Variants in LYPD6 observed in about 807,000 individuals in gnomAD.
LYPD6 encodes the protein ly6/PLAUR domain-containing protein 6.
Under a neutral mutation model 22.7 loss-of-function variants are expected in LYPD6, and 15 were observed. That is an observed-to-expected ratio of 0.66 (90% CI 0.44 to 1.02). LYPD6 has a LOEUF of 1.02. Ranked by LOEUF, LYPD6 falls within the 50% of genes least tolerant of loss-of-function variation. LYPD6 has a pLI of 0.00. For missense variants in LYPD6, 189 were observed against 208.4 expected, an observed-to-expected ratio of 0.91 and a Z score of 0.57; for synonymous variants, 72 against 77.5, an observed-to-expected ratio of 0.93 and a Z score of 0.37.
chr2:149,406,290 T>A (rs1682706142), intron 1 of LYPD6, among the ~76,000 whole-genome samples: 1 of 152,060 alleles, frequency 6.6e-6, no homozygotes, highest in South Asian at 2.1e-4. Flanking sequence ...GGGTATCTTG[T>A]TAACTTTCTG....
At chr2:149,425,502 C>G (rs1683170349) in intron 1 of LYPD6, among the ~76,000 whole-genome samples, 1 of 152,118 alleles carries the variant, frequency 6.6e-6, no homozygotes. Context: ...GGAGGCTACT[C>G]AGTACTTTTT....
At chr2:149,474,567 T>C (rs534020774), downstream of LYPD6, among the ~76,000 whole-genome samples, 23 of 152,168 alleles carry the variant, frequency 1.5e-4, no homozygotes, top group South Asian at 6.2e-4. Flanking sequence ...CACAAACTTA[T>C]ATGTTTTCTC....
At chr2:149,332,803 G>A (rs1484193686) in intron 1 of LYPD6, among the ~76,000 whole-genome samples, 2 of 152,198 alleles carry the variant, frequency 1.3e-5, no homozygotes, top group African/African-American at 4.8e-5. Context: ...ATATCATTTA[G>A]CTCCCACTAA....
chr2:149,392,541 C>T (rs906883161), intron 1 of LYPD6, among the ~76,000 whole-genome samples: 1 of 152,178 alleles, frequency 6.6e-6, no homozygotes, highest in African/African-American at 2.4e-5. Flanking sequence ...CCCTGAGGAC[C>T]AGGGAAGCTG....
intron 1 of LYPD6, among the ~76,000 whole-genome samples, chr2:149,364,031 T>G (rs1196706): frequency 0.57 from 86,110 of 151,952 alleles, 26,889 homozygotes; most frequent in East Asian, 0.9. Flanking sequence ...TCTCACTCCT[T>G]AGCTAGTATT....
chr2:149,330,927 G>T lies in LYPD6; in HGVS notation c.-72+205G>T, dbSNP rs1166501579. ...TAGTGGGCAGAGAGCCCCGCGAGTA[G>T]CCTGGACGGGTCCAGAGGGGCGTGT... On this transcript the variant is annotated intron_variant, in intron 1 of 4. Coordinates refer to ENST00000334166, the MANE Select transcript of LYPD6 (RefSeq NM_194317.5). Among the ~76,000 whole-genome samples, 4 of 152,316 alleles carry T rather than the reference G, an allele frequency of 2.6e-5. No individual in the cohort carries two copies. In the East Asian group the frequency reaches 7.8e-4, roughly 30 times the overall value.
chr2:149,452,608 A>G (rs1680859277), intron 3 of LYPD6, among the ~76,000 whole-genome samples: 1 of 152,134 alleles, frequency 6.6e-6, no homozygotes, highest in Non-Finnish European at 1.5e-5. Context: ...TGTGAAAATA[A>G]TTTGTTGAAA....
intron 1 of LYPD6, among the ~76,000 whole-genome samples, chr2:149,427,503 A>G (rs1253326159): frequency 6.6e-6 from 1 of 152,164 alleles, no homozygotes; most frequent in African/African-American, 2.4e-5. Flanking sequence ...GCACTTGAAA[A>G]TGCCTTCTTG....
intron 1 of LYPD6, among the ~76,000 whole-genome samples, chr2:149,371,549 G>A (rs1384174027): frequency 6.6e-6 from 1 of 152,224 alleles, no homozygotes; most frequent in Non-Finnish European, 1.5e-5. Context: ...AATGGAAGAA[G>A]CAAGCAGGTT....
chr2:149,407,403 C>T (rs969880318), intron 1 of LYPD6, among the ~76,000 whole-genome samples: 5 of 152,182 alleles, frequency 3.3e-5, no homozygotes, highest in African/African-American at 4.8e-5. Context: ...TTCACATAGT[C>T]GCATATTTCT....
chr2:149,380,823 T>G (rs145017193), intron 1 of LYPD6, among the ~76,000 whole-genome samples: 480 of 152,260 alleles, frequency 3.2e-3, no homozygotes, highest in South Asian at 4.6e-3. Flanking sequence ...AATGAAGGGT[T>G]TAAGGACTGA....
At chr2:149,404,914 A>C (rs1682660241) in intron 1 of LYPD6, among the ~76,000 whole-genome samples, 1 of 152,140 alleles carries the variant, frequency 6.6e-6, no homozygotes, top group Non-Finnish European at 1.5e-5. Flanking sequence ...TCCCATCAAT[A>C]CCTAATTGAT....
intron 3 of LYPD6, among the ~76,000 whole-genome samples, chr2:149,461,356 T>A (rs1681083751): frequency 6.6e-6 from 1 of 151,888 alleles, no homozygotes; most frequent in African/African-American, 2.4e-5. Flanking sequence ...AAAAATGAGA[T>A]AAATAGTCCT....
chr2:149,434,449 T>C (rs1683386935), intron 1 of LYPD6, among the ~76,000 whole-genome samples: 1 of 152,228 alleles, frequency 6.6e-6, no homozygotes, highest in Non-Finnish European at 1.5e-5. Flanking sequence ...AATTTTTAAC[T>C]ATCCCTTCAA....
intron 1 of LYPD6, among the ~76,000 whole-genome samples, chr2:149,397,429 C>T (rs912744620): frequency 2.0e-5 from 3 of 152,152 alleles, no homozygotes; most frequent in Non-Finnish European, 4.4e-5. Flanking sequence ...TGCTGGTCTT[C>T]ATAATGTCTT....
intron 1 of LYPD6, among the ~76,000 whole-genome samples, chr2:149,383,307 A>G (rs1191058566): frequency 6.6e-6 from 1 of 152,148 alleles, no homozygotes; most frequent in African/African-American, 2.4e-5. Flanking sequence ...ATTTTGTAAT[A>G]TTTTTGTTTC....
downstream of LYPD6, among the ~76,000 whole-genome samples, chr2:149,476,409 T>C (rs1276815393): frequency 2.6e-5 from 4 of 152,148 alleles, no homozygotes; most frequent in Admixed American, 6.5e-5. Context: ...TTAGACCTTA[T>C]CAGTTATTCA....
chr2:149,398,488 G>A (rs1682477187), intron 1 of LYPD6, among the ~76,000 whole-genome samples: 1 of 151,590 alleles, frequency 6.6e-6, no homozygotes, highest in East Asian at 1.9e-4. Flanking sequence ...TTTGTCTCCT[G>A]GCTGTCCTGA....
intron 3 of LYPD6, among the ~76,000 whole-genome samples, chr2:149,455,893 T>C (rs931403325): frequency 2.0e-5 from 3 of 152,192 alleles, no homozygotes; most frequent in African/African-American, 7.2e-5. Flanking sequence ...GAAATGTGGA[T>C]GAATATTTTT....
Sources: allele counts gnomAD v4.1 joint callset (sites outside exome capture counted in the v4.1 genomes callset), GRCh38; gene constraint gnomAD v4.1.1; transcripts MANE v1.5; gene names NCBI Gene and HGNC (gene_info 2026-07-23, HGNC 2026-07-21).